Variants in RHBDF1 observed in about 807,000 individuals in gnomAD.
RHBDF1 encodes rhomboid 5 homolog 1, also known as inactive rhomboid protein 1.
A neutral mutation model predicts 98.6 loss-of-function variants in RHBDF1; 80 were observed. The ratio of observed to expected loss-of-function variants is 0.81; its 90% CI spans 0.68 to 0.98. The LOEUF is 0.98. Among genes scored for constraint, RHBDF1 ranks in the 50% least tolerant of loss-of-function variants. The probability of loss-of-function intolerance (pLI) is 0.00; values close to 1 mark genes in which losing one functional copy is unlikely to be tolerated. For synonymous variants in RHBDF1, 512 were observed against 486.8 expected (o/e 1.05, Z -0.68); for missense variants, 1,116 against 1,198.3 (o/e 0.93, Z 1.01).
Position 61,703 on chromosome 16 carries a change from G to T in RHBDF1, c.1209-7C>A, listed in dbSNP as rs199962084. The T allele has an allele frequency of 3.1e-6, 5 of 1,613,312 alleles. No individual in the cohort carries two copies. Among genetic ancestry groups the T allele is most frequent in the Non-Finnish European group, 3.4e-6 (4 of 1,179,838 alleles). On this transcript the variant is annotated splice_polypyrimidine_tract_variant and splice_region_variant and intron_variant, in intron 8 of 17. Coordinates refer to ENST00000262316, the MANE Select transcript of RHBDF1 (RefSeq NM_022450.5). The stretch of plus-strand genomic sequence containing the variant: ...CCAGTAGGTGAAGAAGGGCCTGCGG[G>T]GTGGAGCGTCAGCGGGGGCCTCATC...
rs11865293 is a variant in RHBDF1 at position 62,328 on chromosome 16, A to T, written c.953+210T>A. On this transcript the variant is annotated intron_variant, in intron 7 of 17. Transcript: ENST00000262316. ...TTCTGCCCAGCCCCTGGGTTCTAAGATTGCTGTCCCATTCCACAGGCAAGC... is the reference window on the plus strand; with the variant it reads ...TTCTGCCCAGCCCCTGGGTTCTAAGTTTGCTGTCCCATTCCACAGGCAAGC... 3,855 of 756,466 alleles carry T rather than the reference A, an allele frequency of 5.1e-3. 87 individuals carry two copies. The African/African-American group carries it at 0.059, about 12-fold the overall frequency. 46.9% of individuals were successfully genotyped at this position (756,466 alleles called of 1,614,324 possible). A position where few individuals can be genotyped will look rare whatever the true frequency, so the allele number is the denominator to read the frequency against.
chr16:62,334 G>T, intron 7 of RHBDF1: 1 of 774,092 alleles, frequency 1.3e-6, no homozygotes, highest in Non-Finnish European at 2.0e-6. Context: ...TAAGATTGCT[G>T]TCCCATTCCA....
chr16:65,135 C>G, intron 1 of RHBDF1, 96 bp from the exon 2 acceptor site: 1 of 1,311,108 alleles, frequency 7.6e-7, no homozygotes, highest in Non-Finnish European at 1.0e-6. Context: ...GTGATGAGCC[C>G]AACCGTGGTG....
At chr16:62,290 C>T in intron 7 of RHBDF1, 1 of 716,764 alleles carries the variant, frequency 1.4e-6, no homozygotes, top group Non-Finnish European at 2.2e-6. Context: ...GTCACCTCCG[C>T]CTCCCCGTTG....
At chr16:61,086 G>C (rs1459226268) in intron 11 of RHBDF1, 34 bp downstream of exon 11, 1 of 1,512,556 alleles carries the variant, frequency 6.6e-7, no homozygotes, top group Admixed American at 2.0e-5. Context: ...ACACCGGGCA[G>C]ACGAAGGCGG....
chr16:62,407 G>A, intron 7 of RHBDF1, 131 bp downstream of exon 7: 2 of 1,230,528 alleles, frequency 1.6e-6, no homozygotes, highest in Admixed American at 4.1e-5. Flanking sequence ...GTGGCCCAGT[G>A]AGTAGTGAGT....
chr16:70,132 G>A (rs1374623552), intron 1 of RHBDF1, among the ~76,000 whole-genome samples: 1 of 152,192 alleles, frequency 6.6e-6, no homozygotes, highest in Non-Finnish European at 1.5e-5. Flanking sequence ...CAGGAATCAG[G>A]GGACACCAAG....
chr16:74,054 A>G (rs763443663), upstream of RHBDF1: 21 of 579,958 alleles, frequency 3.6e-5, no homozygotes, highest in Non-Finnish European at 4.6e-5. Flanking sequence ...GAAGGAGACA[A>G]TGGAAGCTTT....
Position 61,204 on chromosome 16 carries a change from C to T in RHBDF1, c.1473G>A (p.Ser491=), listed in dbSNP as rs1051775061. The part of the protein sequence containing the change: ...QDPQVHSFIR[S]AREREKHSAC... ...CGGAGTGCTTCTCGCGCTCGCGCGC[C>T]GAGCGAATGAAGCTGTGCACCTGCG... The change falls in exon 11 of 18, where the codon TCG becomes TCA. Residue 491 remains serine (S), a synonymous_variant. Coordinates refer to ENST00000262316, the MANE Select transcript of RHBDF1 (RefSeq NM_022450.5). 1.3e-6 allele frequency: 2 copies of T among 1,544,738 alleles called. No homozygotes were observed. Among genetic ancestry groups the T allele is most frequent in the Non-Finnish European group, 1.7e-6 (2 of 1,145,564 alleles).
At chr16:71,134 G>C (rs1287969456) in intron 1 of RHBDF1, among the ~76,000 whole-genome samples, 8 of 152,144 alleles carry the variant, frequency 5.3e-5, no homozygotes, top group Non-Finnish European at 8.8e-5. Context: ...TAAACCAAGA[G>C]CGCACCCTAG....
chr16:58,991 G>C lies in RHBDF1; in HGVS notation c.2131C>G (p.Leu711Val). 1 of 1,613,190 alleles carries C rather than the reference G, an allele frequency of 6.2e-7. No homozygotes were observed. Among genetic ancestry groups the C allele is most frequent in the Non-Finnish European group, 8.5e-7 (1 of 1,180,004 alleles). Residue 711 changes from leucine (L) to valine (V), a missense_variant, in exon 17 of 18, where the codon CTG (leucine) becomes GTG (valine). By Grantham distance (32) the Leu-to-Val change is conservative (BLOSUM62 1). Coordinates refer to ENST00000262316, the MANE Select transcript of RHBDF1 (RefSeq NM_022450.5). The part of the protein sequence containing the change: ...VTGNLASAIF[L>V]PYRAEVGPAG... ...AGCCTTACCTCTGCTCGGTATGGCAGGAAGATGGCACTGGCCAGGTTGCCG... is the reference window on the plus strand; with the variant it reads ...AGCCTTACCTCTGCTCGGTATGGCACGAAGATGGCACTGGCCAGGTTGCCG...
intron 1 of RHBDF1, among the ~76,000 whole-genome samples, chr16:72,202 C>T (rs1292133486): frequency 1.3e-5 from 2 of 152,226 alleles, no homozygotes; most frequent in Non-Finnish European, 2.9e-5. Flanking sequence ...GGGCTGGAGC[C>T]GAGCTGTCCC....
In RHBDF1 at chr16:61,586, G is replaced by T; in HGVS notation, c.1319C>A (p.Ser440Ter). 1.9e-6 allele frequency: 3 copies of T among 1,613,092 alleles called. No homozygotes were observed. Among genetic ancestry groups the T allele is most frequent in the Non-Finnish European group, 2.5e-6 (3 of 1,179,776 alleles). ...VGFSQHETVD[S>*]VLRNRGVYEN... ...CCCAGGGAAGGCACAGGGGCTCACC[G>T]AGTCCACCGTCTCATGCTGCGAGAA... Residue 440 changes from serine to a stop codon, truncating the protein, a stop_gained and splice_region_variant, in exon 9 of 18, where the codon TCG (serine) becomes TAG (stop). Transcript: ENST00000262316. LOFTEE classifies it high-confidence loss of function.
At chr16:67,424 C>G (rs1031663056) in intron 1 of RHBDF1, among the ~76,000 whole-genome samples, 1 of 152,212 alleles carries the variant, frequency 6.6e-6, no homozygotes, top group Non-Finnish European at 1.5e-5. Context: ...CAGCACTAGG[C>G]GACATCCAGC....
rs1897700098 is a variant in RHBDF1 at position 63,010 on chromosome 16, G to A, written c.635C>T (p.Ala212Val). 6.2e-7 allele frequency: 1 copy of A among 1,612,250 alleles called. No individual in the cohort carries two copies. The highest frequency in any genetic ancestry group is 2.2e-5 in the East Asian group (1 of 44,868). The change falls in exon 5 of 18, where the codon GCC (alanine) becomes GTC (valine). Residue 212 changes from alanine (A) to valine (V), a missense_variant. Transcript: ENST00000262316. ...LPRRRKRESV[A>V]KMSFRAAAAL... Reference sequence around the variant, plus strand: ...TGCGGCCGCCCGGAAGCTCATCTTGGCCACCGACTCTCGCTTGCGCCGCCG... The same window carrying A: ...TGCGGCCGCCCGGAAGCTCATCTTGACCACCGACTCTCGCTTGCGCCGCCG...
chr16:67,671 C>A (rs1369132322), intron 1 of RHBDF1, among the ~76,000 whole-genome samples: 2 of 152,250 alleles, frequency 1.3e-5, no homozygotes, highest in Non-Finnish European at 2.9e-5. Context: ...TCCCTGGGCA[C>A]AGCACAAGGC....
chr16:64,902 C>T lies in RHBDF1; in HGVS notation c.114G>A (p.Leu38=), dbSNP rs781418988. 1.2e-6 allele frequency: 2 copies of T among 1,610,064 alleles called. No homozygotes were observed. The highest frequency in any genetic ancestry group is 3.3e-5 in the Admixed American group (2 of 59,768). Reference sequence around the variant, plus strand: ...GTCCCTGCAGGCCAGGGCCTACCTGCAGGAAGCTGGGCTCTTCTGCCGTCA... The same window carrying T: ...GTCCCTGCAGGCCAGGGCCTACCTGTAGGAAGCTGGGCTCTTCTGCCGTCA... ...VPLTAEEPSF[L]QPLRRQAFLR... Residue 38 remains leucine (L), a synonymous_variant, in exon 2 of 18, where the codon CTG becomes CTA. Coordinates refer to ENST00000262316, the MANE Select transcript of RHBDF1 (RefSeq NM_022450.5).
intron 14 of RHBDF1, 86 bp downstream of exon 14, chr16:59,646 T>C: frequency 6.5e-7 from 1 of 1,532,654 alleles, no homozygotes; most frequent in Non-Finnish European, 8.9e-7. Flanking sequence ...ACTGGCTTAT[T>C]TCAGGATTTG....
intron 1 of RHBDF1, among the ~76,000 whole-genome samples, chr16:71,595 T>C (rs1897970692): frequency 6.6e-6 from 1 of 151,598 alleles, no homozygotes; most frequent in South Asian, 2.1e-4. Flanking sequence ...CGGGTGGGAG[T>C]TCCCAGGATA....
Sources: gnomAD v4.1 joint callset for allele counts (sites outside exome capture counted in the v4.1 genomes callset) on GRCh38, gnomAD v4.1.1 for gene constraint, MANE v1.5 for transcripts, NCBI Gene and HGNC (gene_info 2026-07-23, HGNC 2026-07-21) for gene names.